RABGAP1: variants seen among roughly 807,000 people sequenced by gnomAD.
RABGAP1 encodes RAB GTPase activating protein 1, also known as rab GTPase-activating protein 1.
RABGAP1 carries 23 observed loss-of-function variants against 137.6 expected under a neutral mutation model. The observed-to-expected ratio is 0.17, with a 90% CI of 0.12 to 0.24. The LOEUF is 0.24. Among genes scored for constraint, RABGAP1 ranks in the 10% least tolerant of loss-of-function variants. The pLI, the probability that RABGAP1 is intolerant of heterozygous loss-of-function variation, is 1.00. For synonymous variants in RABGAP1, 451 were observed against 450.7 expected (o/e 1.00, Z -0.01); for missense variants, 906 against 1,275.8 (o/e 0.71, Z 4.42).
chr9:122,951,928 T>C (rs1276859136), intron 1 of RABGAP1, among the ~76,000 whole-genome samples: 1 of 152,182 alleles, frequency 6.6e-6, no homozygotes, highest in Non-Finnish European at 1.5e-5. Context: ...GGGTACATAA[T>C]TGAGCATAGA....
At chr9:122,966,685 A>G (rs1416199172) in intron 2 of RABGAP1, among the ~76,000 whole-genome samples, 1 of 151,936 alleles carries the variant, frequency 6.6e-6, no homozygotes, top group Non-Finnish European at 1.5e-5. Flanking sequence ...AGAAGAAAGA[A>G]CTCTTGAGAT....
At chr9:122,943,559 C>G (rs1260369237) in intron 1 of RABGAP1, among the ~76,000 whole-genome samples, 1 of 152,188 alleles carries the variant, frequency 6.6e-6, no homozygotes, top group Non-Finnish European at 1.5e-5. Flanking sequence ...CCTACCTTTT[C>G]TGCTGCATAT....
At chr9:123,090,869 T>G (rs1202149253) in intron 21 of RABGAP1, among the ~76,000 whole-genome samples, 1 of 152,222 alleles carries the variant, frequency 6.6e-6, no homozygotes, top group Non-Finnish European at 1.5e-5. Flanking sequence ...TCTCCTAATC[T>G]TAACAATTTT....
intron 17 of RABGAP1, among the ~76,000 whole-genome samples, chr9:123,074,661 T>C (rs576657174): frequency 8.5e-5 from 13 of 152,380 alleles, no homozygotes; most frequent in Admixed American, 2.0e-4. Flanking sequence ...TTAGTTCATA[T>C]TAGTTTTGGC....
chr9:122,945,096 A>C (rs1038691773), intron 1 of RABGAP1, among the ~76,000 whole-genome samples: 21 of 140,816 alleles, frequency 1.5e-4, no homozygotes, highest in African/African-American at 5.5e-4. Flanking sequence ...CTCAGGACTT[A>C]ATGCCCGTGA....
chr9:123,033,837 T>C (rs2032448082), intron 13 of RABGAP1: 1 of 152,238 alleles, frequency 6.6e-6, no homozygotes, highest in Non-Finnish European at 1.5e-5. Context: ...AAGTAAATTA[T>C]CTTGGCTAAT....
intron 11 of RABGAP1, among the ~76,000 whole-genome samples, chr9:123,013,679 C>T (rs1289309924): frequency 6.6e-6 from 1 of 152,124 alleles, no homozygotes; most frequent in Non-Finnish European, 1.5e-5. Context: ...TAGAAGATCT[C>T]TCACATTCTA....
At chr9:123,058,701 A>G (rs2132094583) in intron 13 of RABGAP1, among the ~76,000 whole-genome samples, 1 of 152,358 alleles carries the variant, frequency 6.6e-6, no homozygotes, top group Middle Eastern at 3.4e-3. Context: ...ATAGTTTTAA[A>G]TAGAATTACT....
intron 13 of RABGAP1, chr9:123,062,795 CTT>C (rs960555819): frequency 1.3e-5 from 2 of 151,622 alleles, no homozygotes; most frequent in South Asian, 4.2e-4. Flanking sequence ...CTCTCTCTCT[CTT>C]TTTTTTAATT....
intron 13 of RABGAP1, among the ~76,000 whole-genome samples, chr9:123,048,001 C>T (rs192332916): frequency 1.3e-4 from 17 of 134,788 alleles, no homozygotes; most frequent in Middle Eastern, 4.8e-3. Flanking sequence ...TGCAATGGCG[C>T]GATCTCGGCC....
At chr9:122,944,744 T>A (rs539748429) in intron 1 of RABGAP1, among the ~76,000 whole-genome samples, 32 of 151,836 alleles carry the variant, frequency 2.1e-4, no homozygotes, top group African/African-American at 7.8e-4. Flanking sequence ...ATAATTTTTT[T>A]TTTTTTATTT....
chr9:123,059,326 G>A (rs1041656766), intron 13 of RABGAP1, among the ~76,000 whole-genome samples: 5 of 152,138 alleles, frequency 3.3e-5, no homozygotes, highest in Admixed American at 6.5e-5. Flanking sequence ...AGGCCGAGGC[G>A]GGCGGATCAC....
rs77255636 is a variant in RABGAP1 at position 123,031,357 on chromosome 9, G to A, written c.1794+10898G>A. Among the ~76,000 whole-genome samples, 1,461 of 152,276 alleles carry A rather than the reference G, an allele frequency of 9.6e-3. 20 individuals are homozygous for A. Among genetic ancestry groups the A allele is most frequent in the East Asian group, 0.031 (161 of 5,186 alleles). ...TTTAAAAATAAAGTCTATGGCAAGT[G>A]TATAGAAGTAATCTGATTTGGCTGG... On this transcript the variant is annotated intron_variant, in intron 13 of 25. Transcript: ENST00000373647.
rs188752347 is a variant in RABGAP1 at position 122,985,965 on chromosome 9, T to G, written c.386-250T>G. Among the ~76,000 whole-genome samples the G allele has an allele frequency of 3.1e-4, 47 of 152,348 alleles. 1 individual carries two copies. The East Asian group carries it at 7.9e-3, about 26-fold the overall frequency. Reference sequence around the variant, plus strand: ...GTAGGTACTCAAAAGGTTTTGAAATTTGAAGCATTTCATGTTTCAGATTTT... The same window carrying G: ...GTAGGTACTCAAAAGGTTTTGAAATGTGAAGCATTTCATGTTTCAGATTTT... On this transcript the variant is annotated intron_variant, in intron 3 of 25. Coordinates refer to ENST00000373647, the MANE Select transcript of RABGAP1 (RefSeq NM_012197.4).
At chr9:122,979,928 G>A (rs914109137) in intron 2 of RABGAP1, among the ~76,000 whole-genome samples, 6 of 152,212 alleles carry the variant, frequency 3.9e-5, no homozygotes, top group Admixed American at 1.3e-4. Context: ...AAGGAAGAGA[G>A]CCCTACTAAG....
intron 21 of RABGAP1, among the ~76,000 whole-genome samples, chr9:123,096,628 G>A (rs2132234538): frequency 6.6e-6 from 1 of 152,282 alleles, no homozygotes; most frequent in South Asian, 2.1e-4. Flanking sequence ...GAGTGCAATG[G>A]TGCGATCTTG....
At chr9:123,045,684 G>A (rs1249840304) in intron 13 of RABGAP1, among the ~76,000 whole-genome samples, 1 of 152,108 alleles carries the variant, frequency 6.6e-6, no homozygotes, top group Non-Finnish European at 1.5e-5. Flanking sequence ...TATGTTAATA[G>A]TAAGGCTTTT....
upstream of RABGAP1, chr9:122,938,406 C>T (rs546634793): frequency 6.6e-6 from 1 of 152,260 alleles, no homozygotes; most frequent in South Asian, 2.1e-4. Flanking sequence ...TATTTCACAC[C>T]AGCCCCACAT....
intron 13 of RABGAP1, among the ~76,000 whole-genome samples, chr9:123,059,269 C>T (rs2033870174): frequency 1.3e-5 from 2 of 152,146 alleles, no homozygotes; most frequent in Admixed American, 1.3e-4. Context: ...TAAAACCTAA[C>T]CATGGCTAGG....
Sources: allele counts gnomAD v4.1 joint callset (sites outside exome capture counted in the v4.1 genomes callset), GRCh38; gene constraint gnomAD v4.1.1; transcripts MANE v1.5; gene names NCBI Gene and HGNC (gene_info 2026-07-23, HGNC 2026-07-21).